SMARCA2: variants seen among roughly 807,000 people sequenced by gnomAD.
The protein encoded by SMARCA2 is SWI/SNF related BAF chromatin remodeling complex subunit ATPase 2.
A neutral mutation model predicts 199.8 loss-of-function variants in SMARCA2; 61 were observed. That is an observed-to-expected ratio of 0.31 (90% CI 0.25 to 0.38). The LOEUF (loss-of-function observed/expected upper bound fraction) is 0.38. SMARCA2 is among the 10% of genes least tolerant of loss of function. The probability of loss-of-function intolerance (pLI) is 1.00; values close to 1 mark genes in which losing one functional copy is unlikely to be tolerated. For synonymous variants in SMARCA2, 935 were observed against 732.0 expected (o/e 1.28, Z -4.48); for missense variants, 1,344 against 2,012.2 (o/e 0.67, Z 6.35).
chr9:2,075,296 C>G (rs1209531305), intron 12 of SMARCA2: 2 of 152,364 alleles, frequency 1.3e-5, no homozygotes, highest in Non-Finnish European at 2.9e-5. Flanking sequence ...TCAATTCATA[C>G]TTTGTCATTT....
chr9:2,158,063 G>C (rs532582436), intron 27 of SMARCA2, among the ~76,000 whole-genome samples: 3 of 150,448 alleles, frequency 2.0e-5, no homozygotes, highest in Non-Finnish European at 4.4e-5. Flanking sequence ...ACTAATTGAA[G>C]AGGGAGCTAG....
intron 28 of SMARCA2, among the ~76,000 whole-genome samples, chr9:2,168,393 C>G (rs1826048829): frequency 6.6e-6 from 1 of 152,150 alleles, no homozygotes; most frequent in African/African-American, 2.4e-5. Flanking sequence ...GTAGTTAATT[C>G]CTATACACAC....
chr9:2,083,126 T>C (rs1284744312), intron 15 of SMARCA2, among the ~76,000 whole-genome samples: 1 of 152,184 alleles, frequency 6.6e-6, no homozygotes, highest in African/African-American at 2.4e-5. Context: ...GTTTTTTTCT[T>C]ACAAGATTTT....
chr9:2,019,958 G>A (rs565017110), intron 1 of SMARCA2, among the ~76,000 whole-genome samples: 7 of 152,158 alleles, frequency 4.6e-5, no homozygotes, highest in South Asian at 2.1e-4. Flanking sequence ...GAGGACAACT[G>A]AATTATCACA....
At chr9:2,102,087 G>C (rs1586706673) in intron 22 of SMARCA2, among the ~76,000 whole-genome samples, 1 of 152,100 alleles carries the variant, frequency 6.6e-6, no homozygotes, top group South Asian at 2.1e-4. Context: ...ATGTTAAAGA[G>C]AATCTTGACT....
At chr9:2,081,624 G>A (rs1011677524) in intron 14 of SMARCA2, among the ~76,000 whole-genome samples, 25 of 152,184 alleles carry the variant, frequency 1.6e-4, no homozygotes, top group Non-Finnish European at 2.9e-4. Context: ...CTGTCAAGAA[G>A]CAAGAAGAGA....
rs1379727184 is a variant in SMARCA2 at position 2,153,107 on chromosome 9, C to T, written c.3982-8579C>T. On this transcript the variant is annotated intron_variant, in intron 27 of 33. Transcript: ENST00000349721. ...ACAGTAAAGGAACTCAGCTAATTCACGACATGGAAATGGCAAAGGATAAAA... is the reference window on the plus strand; with the variant it reads ...ACAGTAAAGGAACTCAGCTAATTCATGACATGGAAATGGCAAAGGATAAAA... Among the ~76,000 whole-genome samples the T allele has an allele frequency of 5.9e-5, 9 of 152,160 alleles. No individual in the cohort carries two copies. In the East Asian group the frequency reaches 9.6e-4, roughly 16 times the overall value.
chr9:2,047,679 C>T (rs189457927), intron 5 of SMARCA2, 195 bp downstream of exon 5: 64 of 468,818 alleles, frequency 1.4e-4, no homozygotes, highest in African/African-American at 1.2e-3. Flanking sequence ...CAAAAGCCGA[C>T]GGGGACTTCC....
At chr9:2,095,668 A>G (rs992199184) in intron 19 of SMARCA2, among the ~76,000 whole-genome samples, 6 of 152,360 alleles carry the variant, frequency 3.9e-5, no homozygotes, top group African/African-American at 1.4e-4. Context: ...GTGGCCTGAC[A>G]GATTCCTTCG....
intron 13 of SMARCA2, 87 bp downstream of exon 13, chr9:2,076,416 G>A: frequency 3.6e-6 from 3 of 843,314 alleles, no homozygotes; most frequent in Non-Finnish European, 6.2e-6. Flanking sequence ...TTCAAGGAAG[G>A]CAACTAACTT....
rs1826195441 is a variant in SMARCA2, at chr9:2,170,572, T to A, written c.4253+100T>A. 6.3e-7 allele frequency: 1 copy of A among 1,588,390 alleles called. No homozygotes were observed. The highest frequency in any genetic ancestry group is 8.6e-7 in the Non-Finnish European group (1 of 1,162,960). On this transcript the variant is annotated intron_variant, in intron 29 of 33. Transcript: ENST00000349721. This position sits in a 1 kb window ranked among gnomAD's most constrained non-coding sequence, Gnocchi z 4.7. ...AATCGGCCTTTGGAAGCAAATTTCT[T>A]CGGTCACCTCCTGATCACCCCTACT...
intron 23 of SMARCA2, among the ~76,000 whole-genome samples, chr9:2,109,834 C>T (rs762854718): frequency 6.6e-6 from 1 of 151,968 alleles, no homozygotes; most frequent in Non-Finnish European, 1.5e-5. Flanking sequence ...GCTTTAATGC[C>T]TATTGGCAAA....
chr9:2,169,406 G>C lies in SMARCA2; in HGVS notation c.4200-1013G>C, dbSNP rs1165982678. ...GTTATCTTCCACAGTCTGAACCTTC[G>C]GATCTTCCCAACTTTTTTTTTCCAA... is the stretch of plus-strand genomic sequence containing the variant. On this transcript the variant is annotated intron_variant, in intron 28 of 33. Transcript: ENST00000349721. This position sits in a 1 kb window ranked among gnomAD's most constrained non-coding sequence, Gnocchi z 6.5. 6.6e-6 allele frequency among the ~76,000 whole-genome samples: 1 copy of C among 151,724 alleles called. No individual in the cohort carries two copies. Among genetic ancestry groups the C allele is most frequent in the East Asian group, 1.9e-4 (1 of 5,202 alleles).
At chr9:2,062,041 C>G (rs1820615557) in intron 9 of SMARCA2, among the ~76,000 whole-genome samples, 1 of 152,074 alleles carries the variant, frequency 6.6e-6, no homozygotes, top group Admixed American at 6.6e-5. Context: ...GTGCAAAACT[C>G]CAGCTCCAAT....
intron 27 of SMARCA2, among the ~76,000 whole-genome samples, chr9:2,126,130 C>T (rs13289721): frequency 0.037 from 5,633 of 152,194 alleles, 145 homozygotes; most frequent in Non-Finnish European, 0.055. Context: ...CTCTTTTTAG[C>T]GCATCTAGTA....
chr9:2,178,321 G>T (rs1217270021), intron 29 of SMARCA2, among the ~76,000 whole-genome samples: 1 of 152,164 alleles, frequency 6.6e-6, no homozygotes, highest in Non-Finnish European at 1.5e-5. Context: ...TTTCTAGCCT[G>T]AGGTAGATCA....
At chr9:2,035,098 G>A (rs939210825) in intron 3 of SMARCA2, among the ~76,000 whole-genome samples, 1 of 151,476 alleles carries the variant, frequency 6.6e-6, no homozygotes, top group Admixed American at 6.6e-5. Flanking sequence ...CTGGAGTGCA[G>A]TGGCATGATC....
chr9:2,035,748 G>T (rs1183469520), intron 3 of SMARCA2, among the ~76,000 whole-genome samples: 1 of 152,126 alleles, frequency 6.6e-6, no homozygotes, highest in Non-Finnish European at 1.5e-5. Flanking sequence ...AAATGCAAAG[G>T]TCTGCATTAA....
intron 27 of SMARCA2, among the ~76,000 whole-genome samples, chr9:2,144,293 T>C (rs928824461): frequency 2.0e-5 from 3 of 152,144 alleles, no homozygotes; most frequent in African/African-American, 7.2e-5. Context: ...GTGTTTCTGT[T>C]GGCGACCCCT....
Sources: allele counts gnomAD v4.1 joint callset (sites outside exome capture counted in the v4.1 genomes callset), GRCh38; gene constraint gnomAD v4.1.1; non-coding constraint Gnocchi (gnomAD v3.1); transcripts MANE v1.5; gene names NCBI Gene and HGNC (gene_info 2026-07-23, HGNC 2026-07-21).